The following DAPK2 variants were observed in gnomAD, a reference collection of about 807,000 sequenced individuals.
The protein encoded by DAPK2 is death associated protein kinase 2.
A neutral mutation model predicts 44.1 loss-of-function variants in DAPK2; 35 were observed. That is an observed-to-expected ratio of 0.79 (90% CI 0.61 to 1.05). DAPK2 has a LOEUF of 1.05. Among genes scored for constraint, DAPK2 ranks in the 50% least tolerant of loss-of-function variants. The pLI, the probability that DAPK2 is intolerant of heterozygous loss-of-function variation, is 0.00. For missense variants in DAPK2, 453 were observed against 483.2 expected (o/e 0.94, Z 0.59); for synonymous variants, 174 against 182.6 (o/e 0.95, Z 0.38).
At chr15:64,015,523 A>G (rs995304909) in intron 1 of DAPK2, among the ~76,000 whole-genome samples, 14 of 152,236 alleles carry the variant, frequency 9.2e-5, no homozygotes, top group African/African-American at 3.4e-4. Flanking sequence ...TGGGTTGAAT[A>G]GTGGCTCCCT....
intron 1 of DAPK2, among the ~76,000 whole-genome samples, chr15:63,989,188 C>CA (rs55972299): frequency 0.18 from 19,549 of 107,656 alleles, 1,925 homozygotes; most frequent in East Asian, 0.68. Flanking sequence ...ACTTTGTCTC[C>CA]AAAAAAAAAA....
At chr15:63,948,179 G>T (rs916817697) in intron 3 of DAPK2, among the ~76,000 whole-genome samples, 2 of 143,348 alleles carry the variant, frequency 1.4e-5, no homozygotes, top group Non-Finnish European at 3.0e-5. Flanking sequence ...GCTGAGGTAG[G>T]AGAATCGCTT....
chr15:63,924,971 C>T, intron 7 of DAPK2, 110 bp from the exon 9 acceptor site: 2 of 1,159,858 alleles, frequency 1.7e-6, no homozygotes, highest in Non-Finnish European at 2.5e-6. Flanking sequence ...TTGGCCACTG[C>T]CGTCAAACCA....
intron 2 of DAPK2, 66 bp downstream of exon 3, chr15:63,983,467 G>T: frequency 6.7e-7 from 1 of 1,494,022 alleles, no homozygotes; most frequent in South Asian, 1.1e-5. Flanking sequence ...CCTGTGGCTG[G>T]AGTTTCCACT....
chr15:63,954,925 G>A (rs550378875), intron 3 of DAPK2, among the ~76,000 whole-genome samples: 96 of 152,212 alleles, frequency 6.3e-4, no homozygotes, highest in Non-Finnish European at 2.5e-4. Flanking sequence ...TTGTAAGTGA[G>A]ATTACTTTCT....
intron 1 of DAPK2, among the ~76,000 whole-genome samples, chr15:64,017,737 T>G (rs1595896590): frequency 6.6e-6 from 1 of 152,216 alleles, no homozygotes; most frequent in Non-Finnish European, 1.5e-5. Flanking sequence ...AGACAATGCA[T>G]GGCAATGTGC....
intron 2 of DAPK2, among the ~76,000 whole-genome samples, chr15:63,979,462 G>A (rs1053317083): frequency 4.6e-5 from 7 of 152,188 alleles, no homozygotes; most frequent in Non-Finnish European, 7.3e-5. Context: ...TGGGATCAGC[G>A]TAGACTCATT....
chr15:63,933,110 G>A (rs994870317), intron 4 of DAPK2, among the ~76,000 whole-genome samples: 3 of 152,166 alleles, frequency 2.0e-5, no homozygotes, highest in East Asian at 1.9e-4. Context: ...GTCTGCAGAC[G>A]AATAGTCCAC....
chr15:63,994,410 AAAGGAAGGAAGGAAGGAAGG>A (rs56254515), intron 1 of DAPK2, among the ~76,000 whole-genome samples: 2,699 of 141,804 alleles, frequency 0.019, 39 homozygotes, highest in Non-Finnish European at 0.025. Flanking sequence ...TGTTAAAAGA[AAAGGAAGGAAGGAAGGAAGG>A]AAGGAAGGAA....
At chr15:63,946,972 C>T (rs929878522) in intron 3 of DAPK2, among the ~76,000 whole-genome samples, 4 of 152,152 alleles carry the variant, frequency 2.6e-5, no homozygotes, top group South Asian at 2.1e-4. Flanking sequence ...CACACACTGT[C>T]GATGGGACCA....
chr15:63,991,424 C>A, intron 1 of DAPK2: 1 of 437,916 alleles, frequency 2.3e-6, no homozygotes, highest in South Asian at 1.6e-5. Context: ...CCCCTCGTTT[C>A]ATGAGCCTGT....
At position 63,951,503 on chromosome 15, in the gene DAPK2, T is replaced by C. The variant is rs555577463; in HGVS notation, c.454-12142A>G. Among the ~76,000 whole-genome samples the C allele has an allele frequency of 1.1e-3, 175 of 152,274 alleles. 2 individuals carry two copies. Among genetic ancestry groups the C allele is most frequent in the Non-Finnish European group, 3.1e-4 (21 of 68,006 alleles). On this transcript the variant is annotated intron_variant, in intron 3 of 10. Coordinates refer to ENST00000261891, the Ensembl canonical transcript of DAPK2. ...ACATCAGCAGGCTTTCTGTGGTGGATGTACAACACACACCAGGATGATTTC... is the reference window on the plus strand; with the variant it reads ...ACATCAGCAGGCTTTCTGTGGTGGACGTACAACACACACCAGGATGATTTC...
chr15:64,036,338 C>CATATATATATATATGTGTATATAT (rs1555484594), intron 1 of DAPK2, among the ~76,000 whole-genome samples: 1 of 42,960 alleles, frequency 2.3e-5, no homozygotes, highest in East Asian at 1.2e-3. Flanking sequence ...TATATATATA[C>CATATATATATATATGTGTATATAT]ATATATATAT....
At chr15:63,988,036 G>A (rs548126416) in intron 1 of DAPK2, among the ~76,000 whole-genome samples, 79 of 152,228 alleles carry the variant, frequency 5.2e-4, no homozygotes, top group Admixed American at 6.5e-4. Context: ...CAAAAGTCAC[G>A]TAGGATGGTT....
chr15:63,915,043 G>A (rs1195409793), intron 8 of DAPK2, among the ~76,000 whole-genome samples: 1 of 152,038 alleles, frequency 6.6e-6, no homozygotes. Flanking sequence ...AAATGGTGTG[G>A]TATTTGCATA....
At chr15:63,967,438 C>A (rs1306880281) in intron 3 of DAPK2, among the ~76,000 whole-genome samples, 2 of 152,144 alleles carry the variant, frequency 1.3e-5, no homozygotes, top group African/African-American at 4.8e-5. Context: ...ATGATCCCAG[C>A]ACTTTGGGAG....
chr15:63,996,914 C>T (rs1003363616), intron 1 of DAPK2, among the ~76,000 whole-genome samples: 1 of 152,128 alleles, frequency 6.6e-6, no homozygotes. Flanking sequence ...GTGGCCTATT[C>T]CCTCATCCCC....
Position 63,958,985 on chromosome 15 carries a change from A to G in DAPK2, c.453+12438T>C, listed in dbSNP as rs555573622. On this transcript the variant is annotated intron_variant, in intron 3 of 10. Coordinates refer to ENST00000261891, the Ensembl canonical transcript of DAPK2. ...ACAATATTGATTCTTCCTACCCATG[A>G]GCATGGAATGTTCTTCCATTTGTTT... 4.6e-5 allele frequency among the ~76,000 whole-genome samples: 7 copies of G among 152,318 alleles called. No homozygotes were observed. The South Asian group carries it at 1.4e-3, about 32-fold the overall frequency.
At chr15:63,994,432 AG>A (rs2078895601) in intron 1 of DAPK2, among the ~76,000 whole-genome samples, 1 of 89,186 alleles carries the variant, frequency 1.1e-5, no homozygotes, top group Non-Finnish European at 2.3e-5. Context: ...GAAGGAAGGA[AG>A]GAAGGAAGGA....
Sources: gnomAD v4.1 joint callset for allele counts (sites outside exome capture counted in the v4.1 genomes callset) on GRCh38, gnomAD v4.1.1 for gene constraint, MANE v1.5 for transcripts, NCBI Gene and HGNC (gene_info 2026-07-23, HGNC 2026-07-21) for gene names.